The following FOXP2 variants were observed in gnomAD, a reference collection of about 807,000 sequenced individuals.
The protein encoded by FOXP2 is forkhead box P2.
A neutral mutation model predicts 115.8 loss-of-function variants in FOXP2; 12 were observed. That is an observed-to-expected ratio of 0.10 (90% CI 0.07 to 0.17). The LOEUF (loss-of-function observed/expected upper bound fraction) is 0.17, where lower values mean the gene tolerates loss of function less well. FOXP2 is among the 10% of genes least tolerant of loss of function. FOXP2 has a pLI of 1.00. For missense variants in FOXP2, 629 were observed against 843.5 expected (o/e 0.75, Z 3.15); for synonymous variants, 328 against 297.7 (o/e 1.10, Z -1.05).
chr7:114,404,069 T>G (rs1428775809), intron 2 of FOXP2, among the ~76,000 whole-genome samples: 2 of 152,172 alleles, frequency 1.3e-5, no homozygotes, highest in African/African-American at 4.8e-5. Context: ...TGGTTAGCTT[T>G]ATGAATGGCT....
intron 1 of FOXP2, among the ~76,000 whole-genome samples, chr7:114,251,536 G>A (rs961272717): frequency 6.6e-6 from 1 of 152,000 alleles, no homozygotes; most frequent in East Asian, 1.9e-4. Flanking sequence ...TGGATTCCTG[G>A]GTATTTTATT....
chr7:114,578,406 T>C (rs1415466012), intron 3 of FOXP2, among the ~76,000 whole-genome samples: 3 of 152,028 alleles, frequency 2.0e-5, no homozygotes, highest in Non-Finnish European at 4.4e-5. Flanking sequence ...AGGGGCCTTA[T>C]AGTTCATCTA....
At chr7:114,588,133 C>A (rs1226645508) in intron 3 of FOXP2, among the ~76,000 whole-genome samples, 5 of 151,590 alleles carry the variant, frequency 3.3e-5, no homozygotes, top group African/African-American at 1.2e-4. Flanking sequence ...CATGGTGAGA[C>A]CCCATCTCTA....
In FOXP2 at chr7:114,495,483, C is replaced by CTCT. The variant is rs776653007; in HGVS notation, c.169-39133_169-39132insCTT. Among the ~76,000 whole-genome samples the CTCT allele has an allele frequency of 7.7e-3, 475 of 61,460 alleles. 2 individuals carry two copies. The highest frequency in any genetic ancestry group is 0.013 in the Middle Eastern group (1 of 80). 40.3% of individuals were successfully genotyped at this position (61,460 alleles called of 152,430 possible). On this transcript the variant is annotated intron_variant, in intron 2 of 16. Coordinates refer to ENST00000350908, the MANE Select transcript of FOXP2 (RefSeq NM_014491.4). ...TTCTTTGTTTTTTCTTTCTCTCTCT[C>CTCT]TTTTTTTTTTTTTTTTTTTTTTTTT...
intron 1 of FOXP2, among the ~76,000 whole-genome samples, chr7:114,267,437 G>T (rs1024362068): frequency 6.6e-6 from 1 of 151,922 alleles, no homozygotes; most frequent in African/African-American, 2.4e-5. Context: ...TTCAATTGTA[G>T]TAAAATATAG....
At chr7:114,105,730 G>C (rs558135190) in intron 1 of FOXP2, among the ~76,000 whole-genome samples, 61 of 152,124 alleles carry the variant, frequency 4.0e-4, no homozygotes, top group African/African-American at 1.4e-3. Context: ...CCAGACCTTT[G>C]AGCATGAGTT....
intron 6 of FOXP2, among the ~76,000 whole-genome samples, chr7:114,639,722 G>A (rs909065942): frequency 2.6e-5 from 4 of 152,146 alleles, no homozygotes; most frequent in African/African-American, 9.7e-5. Context: ...TGATACATTT[G>A]AGAAGCAACA....
intron 2 of FOXP2, among the ~76,000 whole-genome samples, chr7:114,313,254 G>A (rs1260091746): frequency 6.6e-6 from 1 of 152,166 alleles, no homozygotes; most frequent in East Asian, 1.9e-4. Context: ...TGGCTCTTCT[G>A]TGATGAATTA....
At chr7:114,522,490 C>A (rs1798672638) in intron 2 of FOXP2, among the ~76,000 whole-genome samples, 1 of 152,114 alleles carries the variant, frequency 6.6e-6, no homozygotes, top group Admixed American at 6.6e-5. Context: ...AACAGGCAAC[C>A]ATTTTCTAAG....
chr7:114,383,476 G>A (rs948861239), intron 2 of FOXP2, among the ~76,000 whole-genome samples: 3 of 152,146 alleles, frequency 2.0e-5, no homozygotes, highest in African/African-American at 7.2e-5. Flanking sequence ...GGTAGACTCT[G>A]AGGGCTTCCT....
chr7:114,509,870 G>T (rs757438078), intron 2 of FOXP2, among the ~76,000 whole-genome samples: 1 of 151,744 alleles, frequency 6.6e-6, no homozygotes, highest in Non-Finnish European at 1.5e-5. Flanking sequence ...AGACCACCTG[G>T]TGAATTAATG....
At chr7:114,397,458 G>A (rs974076359) in intron 2 of FOXP2, among the ~76,000 whole-genome samples, 12 of 151,998 alleles carry the variant, frequency 7.9e-5, no homozygotes, top group African/African-American at 2.9e-4. Flanking sequence ...AATATAAGGG[G>A]GTGATGGAGG....
chr7:114,440,026 C>T (rs1199840795), intron 2 of FOXP2, among the ~76,000 whole-genome samples: 3 of 152,126 alleles, frequency 2.0e-5, no homozygotes, highest in Non-Finnish European at 4.4e-5. Context: ...ATTCTAATAA[C>T]AAAAACTCAT....
intron 2 of FOXP2, among the ~76,000 whole-genome samples, chr7:114,517,358 C>T (rs867343129): frequency 3.3e-5 from 5 of 152,054 alleles, no homozygotes; most frequent in South Asian, 2.1e-4. Flanking sequence ...GCAATCCCGT[C>T]GGTCTATTTC....
chr7:114,179,357 C>G (rs1238796694), intron 1 of FOXP2, among the ~76,000 whole-genome samples: 1 of 151,828 alleles, frequency 6.6e-6, no homozygotes, highest in East Asian at 1.9e-4. Flanking sequence ...TATGCAGATC[C>G]TTACCTGAAA....
chr7:114,677,440 AC>A (rs1309431592), intron 16 of FOXP2, among the ~76,000 whole-genome samples: 3 of 152,224 alleles, frequency 2.0e-5, no homozygotes, highest in Admixed American at 2.0e-4. Context: ...TATTCATAGT[AC>A]TTTTTTATTC....
At chr7:114,286,786 CT>C (rs1796477207) in intron 1 of FOXP2, among the ~76,000 whole-genome samples, 1 of 151,990 alleles carries the variant, frequency 6.6e-6, no homozygotes, top group Admixed American at 6.6e-5. Context: ...ATACCTAATG[CT>C]TTGTGAACAC....
chr7:114,327,343 C>A (rs1477137891), intron 2 of FOXP2, among the ~76,000 whole-genome samples: 1 of 152,044 alleles, frequency 6.6e-6, no homozygotes, highest in African/African-American at 2.4e-5. Context: ...CATTAAAATT[C>A]TTATCTGGTC....
At chr7:114,634,222 C>T (rs1188880822) in intron 6 of FOXP2, among the ~76,000 whole-genome samples, 7 of 152,104 alleles carry the variant, frequency 4.6e-5, no homozygotes. Flanking sequence ...TCTCTAACCC[C>T]TGACCTCAAG....
Sources: gnomAD v4.1 joint callset for allele counts (sites outside exome capture counted in the v4.1 genomes callset) on GRCh38, gnomAD v4.1.1 for gene constraint, MANE v1.5 for transcripts, NCBI Gene and HGNC (gene_info 2026-07-23, HGNC 2026-07-21) for gene names.